Variants in BMP5 observed in about 807,000 individuals in gnomAD.
BMP5 encodes the protein bone morphogenetic protein 5.
In BMP5, 23 loss-of-function variants were observed where a neutral mutation model predicts 46.6. The observed-to-expected ratio is 0.49, with a 90% CI of 0.35 to 0.70. The LOEUF (loss-of-function observed/expected upper bound fraction) is 0.70, where lower values mean the gene tolerates loss of function less well. Ranked by LOEUF, BMP5 falls within the 30% of genes least tolerant of loss-of-function variation. BMP5 has a pLI of 0.00. For missense variants in BMP5, 545 were observed against 565.6 expected (o/e 0.96, Z 0.37); for synonymous variants, 204 against 191.9 (o/e 1.06, Z -0.52).
In BMP5 at chr6:55,783,495, G is replaced by T. The variant is rs189031658; in HGVS notation, c.833-9252C>A. Among the ~76,000 whole-genome samples, 63 of 151,970 alleles carry T rather than the reference G, an allele frequency of 4.1e-4. 1 individual carries two copies. In the East Asian group the frequency reaches 0.012, roughly 29 times the overall value. On this transcript the variant is annotated intron_variant, in intron 3 of 6. Transcript: ENST00000370830. ...TGCTCATGCCTTATAAGGATTAAAGGTTCTCTTTTCTTCTCACTTGTGCTC... is the reference window on the plus strand; with the variant it reads ...TGCTCATGCCTTATAAGGATTAAAGTTTCTCTTTTCTTCTCACTTGTGCTC...
chr6:55,853,179 A>G lies in BMP5; in HGVS notation c.490+21197T>C, dbSNP rs1299035803. Among the ~76,000 whole-genome samples, 2 of 132,980 alleles carry G rather than the reference A, an allele frequency of 1.5e-5. 1 individual carries two copies. Among genetic ancestry groups the G allele is most frequent in the East Asian group, 5.3e-4 (2 of 3,798 alleles). The allele number at this position is 132,980 out of a possible 152,430, so 87.2% of individuals were successfully genotyped here. ...AAATAAAATAAAATAAAATAAAATA[A>G]AATAAAATAAAATAAAATAAAATAA... On this transcript the variant is annotated intron_variant, in intron 1 of 6. Transcript: ENST00000370830.
At chr6:55,800,331 A>G (rs1775816157) in intron 2 of BMP5, among the ~76,000 whole-genome samples, 2 of 152,210 alleles carry the variant, frequency 1.3e-5, no homozygotes, top group South Asian at 4.1e-4. Context: ...CAACATGTGA[A>G]TTAAAATATG....
rs1774685403 is a variant in BMP5 at position 55,758,991 on chromosome 6, A to G, written c.1215+14T>C. 6.5e-7 allele frequency: 1 copy of G among 1,548,412 alleles called. No individual in the cohort carries two copies. Among genetic ancestry groups the G allele is most frequent in the Admixed American group, 1.7e-5 (1 of 59,660 alleles). On this transcript the variant is annotated intron_variant, in intron 6 of 6. Transcript: ENST00000370830. The stretch of plus-strand genomic sequence containing the variant: ...ATTCTAAGCTTTTCTTAATCCTTCA[A>G]AAACAAAGCTTACCAGAGTCTGAAC...
chr6:55,875,004 T>C lies in BMP5; in HGVS notation c.-139A>G. The C allele has an allele frequency of 3.2e-6, 3 of 940,340 alleles. No homozygotes were observed. The highest frequency in any genetic ancestry group is 4.8e-6 in the Non-Finnish European group (3 of 623,888). 58.2% of individuals were successfully genotyped at this position (940,340 alleles called of 1,614,324 possible). A position where few individuals can be genotyped will look rare whatever the true frequency, so the allele number is the denominator to read the frequency against. ...CTATTTTTCATGACAGTGACATTTCTGAGCACAACATCCTCACCGATTTTC... is the reference window on the plus strand; with the variant it reads ...CTATTTTTCATGACAGTGACATTTCCGAGCACAACATCCTCACCGATTTTC... On this transcript the variant is annotated 5_prime_UTR_variant, in exon 1 of 7. Transcript: ENST00000370830.
At chr6:55,776,403 A>T (rs958161540) in intron 3 of BMP5, among the ~76,000 whole-genome samples, 6 of 151,858 alleles carry the variant, frequency 4.0e-5, no homozygotes, top group African/African-American at 1.4e-4. Flanking sequence ...CAGGTGTAGC[A>T]CTTGAAATTG....
chr6:55,826,080 C>A (rs143098361), intron 1 of BMP5, among the ~76,000 whole-genome samples: 2 of 151,932 alleles, frequency 1.3e-5, no homozygotes, highest in South Asian at 2.1e-4. Context: ...AAAACATAAA[C>A]CTAGTTCTAT....
intron 1 of BMP5, among the ~76,000 whole-genome samples, chr6:55,823,347 C>A (rs1210116419): frequency 1.3e-5 from 2 of 152,138 alleles, no homozygotes; most frequent in East Asian, 1.9e-4. Flanking sequence ...CCAGAGAAAT[C>A]TTTTAATAAA....
intron 1 of BMP5, among the ~76,000 whole-genome samples, chr6:55,858,999 G>A (rs532739040): frequency 6.6e-6 from 1 of 152,166 alleles, no homozygotes; most frequent in Non-Finnish European, 1.5e-5. Context: ...GAGAGCATTA[G>A]GATAAATGCA....
At chr6:55,839,730 T>G (rs1164791606) in intron 1 of BMP5, among the ~76,000 whole-genome samples, 1 of 152,202 alleles carries the variant, frequency 6.6e-6, no homozygotes, top group African/African-American at 2.4e-5. Flanking sequence ...CTGTTATCCT[T>G]TTTAAATTTT....
chr6:55,822,888 T>G, intron 1 of BMP5, among the ~76,000 whole-genome samples: 1 of 152,152 alleles, frequency 6.6e-6, no homozygotes, highest in Non-Finnish European at 1.5e-5. Context: ...AGAACGAAGT[T>G]GCATTGCAGA....
At position 55,755,497 on chromosome 6, in the gene BMP5, T is replaced by C. The variant is rs950612546; in HGVS notation, c.*36A>G. On this transcript the variant is annotated 3_prime_UTR_variant, in exon 7 of 7. Transcript: ENST00000370830. ...TTTTTATTGCAGCCATAAACCTTAA[T>C]ACAGATCTTTTTGTTATTATCAATA... 6.3e-7 allele frequency: 1 copy of C among 1,579,684 alleles called. No homozygotes were observed. Among genetic ancestry groups the C allele is most frequent in the Admixed American group, 1.7e-5 (1 of 59,466 alleles).
At chr6:55,796,590 G>A (rs991136429) in intron 2 of BMP5, among the ~76,000 whole-genome samples, 4 of 151,226 alleles carry the variant, frequency 2.6e-5, no homozygotes, top group African/African-American at 4.9e-5. Flanking sequence ...ATGCTGGTGC[G>A]CTGCACCTAC....
At chr6:55,849,962 T>G (rs1777187296) in intron 1 of BMP5, among the ~76,000 whole-genome samples, 1 of 152,124 alleles carries the variant, frequency 6.6e-6, no homozygotes, top group Admixed American at 6.6e-5. Flanking sequence ...TTGTTTCCTC[T>G]GAAACTTGTG....
At chr6:55,874,224 G>A in intron 1 of BMP5, 152 bp downstream of exon 1, 1 of 828,730 alleles carries the variant, frequency 1.2e-6, no homozygotes. Context: ...TTTGCCTAAG[G>A]CATCAATGAA....
At position 55,849,388 on chromosome 6, in the gene BMP5, G is replaced by C. The variant is rs567175181; in HGVS notation, c.490+24988C>G. On this transcript the variant is annotated intron_variant, in intron 1 of 6. Coordinates refer to ENST00000370830, the MANE Select transcript of BMP5 (RefSeq NM_021073.4). Reference sequence around the variant, plus strand: ...ACACATATACCAGGGTAAGTGAATAGAGAGTAATATGAATGCTATTTTACA... The same window carrying C: ...ACACATATACCAGGGTAAGTGAATACAGAGTAATATGAATGCTATTTTACA... Among the ~76,000 whole-genome samples, 42 of 152,040 alleles carry C rather than the reference G, an allele frequency of 2.8e-4. 1 individual carries two copies. Among genetic ancestry groups the C allele is most frequent in the Non-Finnish European group, 5.6e-4 (38 of 67,944 alleles).
Position 55,874,657 on chromosome 6 carries a change from G to C in BMP5, c.209C>G (p.Pro70Arg), listed in dbSNP as rs1777864094. The C allele has an allele frequency of 6.2e-7, 1 of 1,613,608 alleles. No individual in the cohort carries two copies. The highest frequency in any genetic ancestry group is 8.5e-7 in the Non-Finnish European group (1 of 1,179,696). Reference protein sequence around the residue: ...GLPHRPRPFSPGKQASSAPLF... With the variant: ...GLPHRPRPFSRGKQASSAPLF... The stretch of plus-strand genomic sequence containing the variant: ...AGGTGCAGAGGACGCTTGTTTTCCA[G>C]GTGAAAATGGTCTGGGTCTGTGAGG... Residue 70 changes from proline (P) to arginine (R), a missense_variant, in exon 1 of 7, where the codon CCT becomes CGT. Transcript: ENST00000370830.
At chr6:55,868,954 T>C (rs1449030254) in intron 1 of BMP5, among the ~76,000 whole-genome samples, 1 of 152,190 alleles carries the variant, frequency 6.6e-6, no homozygotes, top group Non-Finnish European at 1.5e-5. Flanking sequence ...CAATAAAATA[T>C]GAACTTAAGG....
At chr6:55,805,840 T>C (rs1285516004) in intron 2 of BMP5, among the ~76,000 whole-genome samples, 1 of 152,232 alleles carries the variant, frequency 6.6e-6, no homozygotes, top group Non-Finnish European at 1.5e-5. Context: ...CTTTTTTTCA[T>C]ATGTTTGTTG....
intron 2 of BMP5, among the ~76,000 whole-genome samples, chr6:55,802,076 G>C (rs79773048): frequency 6.6e-6 from 1 of 152,248 alleles, no homozygotes; most frequent in African/African-American, 2.4e-5. Context: ...ATGTCTCATG[G>C]TCTGGAAATC....
Sources: gnomAD v4.1 joint callset for allele counts (sites outside exome capture counted in the v4.1 genomes callset) on GRCh38, gnomAD v4.1.1 for gene constraint, MANE v1.5 for transcripts, NCBI Gene and HGNC (gene_info 2026-07-23, HGNC 2026-07-21) for gene names.